The following DIAPH3 variants were observed in gnomAD, a reference collection of about 807,000 sequenced individuals.
DIAPH3 encodes the protein diaphanous related formin 3.
Under a neutral mutation model 144.3 loss-of-function variants are expected in DIAPH3, and 117 were observed. The observed-to-expected ratio is 0.81, with a 90% CI of 0.70 to 0.95. The LOEUF (loss-of-function observed/expected upper bound fraction) is 0.95, where lower values mean the gene tolerates loss of function less well. DIAPH3 is among the 40% of genes least tolerant of loss of function. DIAPH3 has a pLI of 0.00. For synonymous variants in DIAPH3, 519 were observed against 488.9 expected (o/e 1.06, Z -0.81); for missense variants, 1,421 against 1,412.7 (o/e 1.01, Z -0.09).
At chr13:59,911,991 C>G (rs1199231146) in intron 19 of DIAPH3, among the ~76,000 whole-genome samples, 155 bp from the exon 20 acceptor site, 4 of 152,120 alleles carry the variant, frequency 2.6e-5, no homozygotes, top group Non-Finnish European at 5.9e-5. Flanking sequence ...GCAAAATTCC[C>G]TGCATCTTGA....
intron 27 of DIAPH3, among the ~76,000 whole-genome samples, chr13:59,716,689 CA>C (rs1411390674): frequency 3.9e-5 from 6 of 151,966 alleles, no homozygotes; most frequent in African/African-American, 1.4e-4. Flanking sequence ...TTAAATAACT[CA>C]AAAAAAGATC....
At chr13:60,079,142 C>A (rs2057465605) in intron 4 of DIAPH3, among the ~76,000 whole-genome samples, 1 of 151,962 alleles carries the variant, frequency 6.6e-6, no homozygotes, top group African/African-American at 2.4e-5. Flanking sequence ...AAAAATAAAA[C>A]AAGTTATAGA....
At chr13:60,132,132 T>C (rs2059158683) in intron 2 of DIAPH3, among the ~76,000 whole-genome samples, 1 of 152,238 alleles carries the variant, frequency 6.6e-6, no homozygotes, top group South Asian at 2.1e-4. Context: ...TAATACAATT[T>C]TTAAGTCATT....
chr13:59,812,085 C>T (rs1444501806), intron 24 of DIAPH3, among the ~76,000 whole-genome samples: 2 of 152,044 alleles, frequency 1.3e-5, no homozygotes, highest in South Asian at 2.1e-4. Context: ...TATGTTGTTT[C>T]GGGAGAAGGC....
chr13:59,860,262 T>C (rs1353954850), intron 22 of DIAPH3, among the ~76,000 whole-genome samples: 1 of 152,150 alleles, frequency 6.6e-6, no homozygotes, highest in Non-Finnish European at 1.5e-5. Flanking sequence ...TTCAAGTTGA[T>C]GAATTCCAAT....
chr13:60,091,768 TACC>T (rs2057941706), intron 4 of DIAPH3, among the ~76,000 whole-genome samples: 1 of 152,282 alleles, frequency 6.6e-6, no homozygotes, highest in Middle Eastern at 3.4e-3. Context: ...CCACCACTGC[TACC>T]ACAAGAGGCA....
rs1777935931 is a variant in DIAPH3 at position 59,721,599 on chromosome 13, T to G, written c.3319+52590A>C. On this transcript the variant is annotated intron_variant, in intron 27 of 27. Coordinates refer to ENST00000400324, the MANE Select transcript of DIAPH3 (RefSeq NM_001042517.2). ...AAAAATCCCAAGGAAAAGAAATGAGTGTAATAGCCCTATAAATATTTGTGG... is the reference window on the plus strand; with the variant it reads ...AAAAATCCCAAGGAAAAGAAATGAGGGTAATAGCCCTATAAATATTTGTGG... Among the ~76,000 whole-genome samples, 4 of 152,134 alleles carry G rather than the reference T, an allele frequency of 2.6e-5. No homozygotes were observed. The South Asian group carries it at 8.3e-4, about 32-fold the overall frequency.
rs185345726 is a variant in DIAPH3 at position 59,852,565 on chromosome 13, A to G, written c.2737+8842T>C. 2.1e-3 allele frequency among the ~76,000 whole-genome samples: 326 copies of G among 152,332 alleles called. 2 individuals are homozygous for G. The highest frequency in any genetic ancestry group is 7.5e-3 in the African/African-American group (311 of 41,574). On this transcript the variant is annotated intron_variant, in intron 22 of 27. Transcript: ENST00000400324. ...GTGTTGCAGGCTGAAGCAGAGGCAG[A>G]AAAATAGAACTCATTTTCCAAATTC...
At chr13:60,019,394 T>C (rs1392553183) in intron 5 of DIAPH3, among the ~76,000 whole-genome samples, 1 of 152,140 alleles carries the variant, frequency 6.6e-6, no homozygotes, top group African/African-American at 2.4e-5. Flanking sequence ...TAGAGATCAG[T>C]ATGACATTTG....
At chr13:60,009,475 G>A (rs1263352042) in intron 8 of DIAPH3, among the ~76,000 whole-genome samples, 1 of 152,072 alleles carries the variant, frequency 6.6e-6, no homozygotes, top group Non-Finnish European at 1.5e-5. Context: ...AAATGATGGG[G>A]GAAAGGGGAA....
At chr13:59,776,812 C>T (rs341543) in intron 25 of DIAPH3, among the ~76,000 whole-genome samples, 99,942 of 151,890 alleles carry the variant, frequency 0.66, 33,343 homozygotes, top group East Asian at 0.72. Context: ...GTAAATGTGC[C>T]GATGTGCTCA....
At chr13:60,116,224 G>A (rs994734470) in intron 2 of DIAPH3, among the ~76,000 whole-genome samples, 4 of 152,016 alleles carry the variant, frequency 2.6e-5, no homozygotes, top group Non-Finnish European at 5.9e-5. Context: ...GAAGAGACAA[G>A]CACATAGGTA....
At chr13:59,800,802 T>C (rs1489217903) in intron 25 of DIAPH3, among the ~76,000 whole-genome samples, 1 of 152,128 alleles carries the variant, frequency 6.6e-6, no homozygotes, top group Non-Finnish European at 1.5e-5. Context: ...TCATAAACAA[T>C]ATTTTCATCT....
At chr13:59,861,997 A>G (rs1445050171) in intron 21 of DIAPH3, among the ~76,000 whole-genome samples, 2 of 152,218 alleles carry the variant, frequency 1.3e-5, no homozygotes, top group African/African-American at 4.8e-5. Flanking sequence ...TTGGTGTGAC[A>G]AATAGTATAG....
At chr13:59,999,716 G>A (rs1464135126) in intron 9 of DIAPH3, among the ~76,000 whole-genome samples, 1 of 152,072 alleles carries the variant, frequency 6.6e-6, no homozygotes, top group Non-Finnish European at 1.5e-5. Context: ...AGGGCAGCCT[G>A]AGACACTTTC....
intron 22 of DIAPH3, among the ~76,000 whole-genome samples, chr13:59,860,412 C>G (rs1266620241): frequency 6.6e-6 from 1 of 151,948 alleles, no homozygotes; most frequent in African/African-American, 2.4e-5. Context: ...TGTTTGACAC[C>G]AAGTAAAGTT....
chr13:59,982,364 A>G (rs1020834823), intron 13 of DIAPH3, among the ~76,000 whole-genome samples: 2 of 151,398 alleles, frequency 1.3e-5, no homozygotes, highest in African/African-American at 4.8e-5. Flanking sequence ...TCCACATTTT[A>G]GTTTGCTGCA....
chr13:59,783,318 T>A (rs1201916158), intron 25 of DIAPH3, among the ~76,000 whole-genome samples: 3 of 152,214 alleles, frequency 2.0e-5, no homozygotes, highest in Non-Finnish European at 4.4e-5. Context: ...GCCAATTGTA[T>A]ATATATTGAT....
At chr13:60,155,967 T>C (rs1300699585) in intron 1 of DIAPH3, among the ~76,000 whole-genome samples, 1 of 152,236 alleles carries the variant, frequency 6.6e-6, no homozygotes, top group African/African-American at 2.4e-5. Context: ...TCCTTGTAAC[T>C]ATACCTAGCT....
Sources: allele counts gnomAD v4.1 joint callset (sites outside exome capture counted in the v4.1 genomes callset), GRCh38; gene constraint gnomAD v4.1.1; transcripts MANE v1.5; gene names NCBI Gene and HGNC (gene_info 2026-07-23, HGNC 2026-07-21).